CYTH3: variants seen among roughly 807,000 people sequenced by gnomAD.
CYTH3 encodes cytohesin-3.
In CYTH3, 23 loss-of-function variants were observed where a neutral mutation model predicts 55.1. The observed-to-expected ratio is 0.42, with a 90% CI of 0.30 to 0.59. CYTH3 has a LOEUF of 0.59. Ranked by LOEUF, CYTH3 falls within the 20% of genes least tolerant of loss-of-function variation. The pLI is 0.20. For missense variants in CYTH3, 413 were observed against 524.8 expected, an observed-to-expected ratio of 0.79 and a Z score of 2.08; for synonymous variants, 249 against 194.9, an observed-to-expected ratio of 1.28 and a Z score of -2.31.
intron 1 of CYTH3, among the ~76,000 whole-genome samples, chr7:6,258,396 C>A (rs1191442905): frequency 6.6e-6 from 1 of 152,134 alleles, no homozygotes; most frequent in Non-Finnish European, 1.5e-5. Context: ...CATCCCCCTG[C>A]AAACTGCCCT....
At chr7:6,173,846 G>A in intron 5 of CYTH3, 113 bp from the exon 6 acceptor site, 2 of 699,108 alleles carry the variant, frequency 2.9e-6, no homozygotes, top group Non-Finnish European at 5.2e-6. Context: ...TTTCTGCATG[G>A]CCATGCTTTT....
chr7:6,207,074 T>G (rs866038803), intron 1 of CYTH3, among the ~76,000 whole-genome samples: 2 of 149,226 alleles, frequency 1.3e-5, no homozygotes, highest in African/African-American at 4.9e-5. Flanking sequence ...TCACAGAAAT[T>G]AAAATGTGCA....
At chr7:6,181,904 C>T (rs1180135194) in intron 4 of CYTH3, among the ~76,000 whole-genome samples, 1 of 152,156 alleles carries the variant, frequency 6.6e-6, no homozygotes, top group Non-Finnish European at 1.5e-5. Context: ...TTTTCATTTC[C>T]AAGGTTCTTT....
chr7:6,272,409 C>CGGGGGGGGGGGGGGGGGGGGGG, intron 1 of CYTH3, 65 bp downstream of exon 1: 6 of 1,212,384 alleles, frequency 4.9e-6, no homozygotes, highest in Non-Finnish European at 6.3e-6. Flanking sequence ...GCCGCGCCCT[C>CGGGGGGGGGGGGGGGGGGGGGG]GACCCCCAGC....
At chr7:6,207,157 C>T (rs770898834) in intron 1 of CYTH3, among the ~76,000 whole-genome samples, 22 of 138,148 alleles carry the variant, frequency 1.6e-4, no homozygotes, top group Non-Finnish European at 2.0e-4. Flanking sequence ...TGCAGTGGCG[C>T]GATCTTGGCT....
intron 1 of CYTH3, among the ~76,000 whole-genome samples, chr7:6,204,297 T>C (rs947049096): frequency 6.6e-6 from 1 of 152,202 alleles, no homozygotes; most frequent in Admixed American, 6.5e-5. Flanking sequence ...ATTGGTGTAG[T>C]GGAGATGAAG....
chr7:6,202,897 A>G (rs1784090466), intron 1 of CYTH3, among the ~76,000 whole-genome samples: 1 of 152,266 alleles, frequency 6.6e-6, no homozygotes, highest in African/African-American at 2.4e-5. Flanking sequence ...AACAAAAAAC[A>G]TCCCACTAAA....
intron 1 of CYTH3, among the ~76,000 whole-genome samples, chr7:6,192,185 C>T (rs569636118): frequency 1.2e-3 from 184 of 152,240 alleles, no homozygotes; most frequent in African/African-American, 4.1e-3. Flanking sequence ...CCAAAGAATT[C>T]GGATTCAAAA....
chr7:6,208,376 TG>T (rs1260410676), intron 1 of CYTH3, among the ~76,000 whole-genome samples: 2 of 152,178 alleles, frequency 1.3e-5, no homozygotes, highest in African/African-American at 4.8e-5. Context: ...CTACAAGCAA[TG>T]GAAGAATCAC....
At chr7:6,183,390 A>G (rs10237416) in intron 4 of CYTH3, among the ~76,000 whole-genome samples, 6,005 of 152,324 alleles carry the variant, frequency 0.039, 405 homozygotes, top group African/African-American at 0.14. Context: ...ATAGATTTAT[A>G]TATTTTATTT....
At chr7:6,215,212 T>G (rs1403020450) in intron 1 of CYTH3, among the ~76,000 whole-genome samples, 1 of 152,206 alleles carries the variant, frequency 6.6e-6, no homozygotes, top group East Asian at 1.9e-4. Context: ...TTATTCCCCC[T>G]GCTCTAGTGA....
chr7:6,175,693 AC>A (rs1008785647), intron 5 of CYTH3, among the ~76,000 whole-genome samples: 1 of 151,092 alleles, frequency 6.6e-6, no homozygotes, highest in Non-Finnish European at 1.5e-5. Context: ...GATTATAGAC[AC>A]CTGCCATCAT....
chr7:6,173,444 C>A (rs115897837), intron 6 of CYTH3, among the ~76,000 whole-genome samples: 1 of 152,346 alleles, frequency 6.6e-6, no homozygotes, highest in Non-Finnish European at 1.5e-5. Flanking sequence ...GAGGAAAGCA[C>A]GGCCCTTATC....
Position 6,171,435 on chromosome 7 carries a change from C to T in CYTH3, c.450-121G>A. On this transcript the variant is annotated intron_variant, in intron 6 of 12. Transcript: ENST00000350796. This position sits in a 1 kb window ranked among gnomAD's most constrained non-coding sequence, Gnocchi z 6.7. ...TCCCGAGCCTGGGGTACAGCTCTGG[C>T]AGGGGCTTGGGGGCGCAGAGACAGA... The T allele has an allele frequency of 2.4e-6, 2 of 818,386 alleles. No individual in the cohort carries two copies. The highest frequency in any genetic ancestry group is 4.0e-6 in the Non-Finnish European group (2 of 506,072). The allele number at this position is 818,386 out of a possible 1,614,324, so 50.7% of individuals were successfully genotyped here.
chr7:6,263,068 C>T (rs142833770), intron 1 of CYTH3, among the ~76,000 whole-genome samples: 1 of 152,124 alleles, frequency 6.6e-6, no homozygotes, highest in African/African-American at 2.4e-5. Context: ...AGTTTCTATA[C>T]CTCTAACCTT....
chr7:6,227,283 T>C (rs1037315404), intron 1 of CYTH3, among the ~76,000 whole-genome samples: 1 of 151,776 alleles, frequency 6.6e-6, no homozygotes, highest in African/African-American at 2.4e-5. Flanking sequence ...CAGAAGATGG[T>C]TGTAAAGTTA....
Position 6,213,447 on chromosome 7 carries a change from T to C in CYTH3, c.35-22916A>G, listed in dbSNP as rs1199436447. Among the ~76,000 whole-genome samples, 4 of 152,200 alleles carry C rather than the reference T, an allele frequency of 2.6e-5. No homozygotes were observed. In the East Asian group the frequency reaches 7.7e-4, roughly 29 times the overall value. On this transcript the variant is annotated intron_variant, in intron 1 of 12. Transcript: ENST00000350796. ...AATCTTAAAGTCAAGAGGGCTTTAA[T>C]AACGTTGGTGCCTATCTACAACAAC...
At chr7:6,223,102 C>T (rs1779122155) in intron 1 of CYTH3, among the ~76,000 whole-genome samples, 1 of 152,248 alleles carries the variant, frequency 6.6e-6, no homozygotes, top group African/African-American at 2.4e-5. Context: ...TGAGAAGCGC[C>T]TCTGCCTGGC....
At chr7:6,193,260 T>C (rs1006205174) in intron 1 of CYTH3, among the ~76,000 whole-genome samples, 1 of 150,626 alleles carries the variant, frequency 6.6e-6, no homozygotes, top group Non-Finnish European at 1.5e-5. Flanking sequence ...ATGTCAACTC[T>C]CTTAATAGTC....
Sources: gnomAD v4.1 joint callset for allele counts (sites outside exome capture counted in the v4.1 genomes callset) on GRCh38, gnomAD v4.1.1 for gene constraint, Gnocchi (gnomAD v3.1) non-coding constraint, MANE v1.5 for transcripts, NCBI Gene and HGNC (gene_info 2026-07-23, HGNC 2026-07-21) for gene names.